The following HOXB9 variants were observed in gnomAD, a reference collection of about 807,000 sequenced individuals.
The protein encoded by HOXB9 is homeobox protein Hox-B9.
A neutral mutation model predicts 21.5 loss-of-function variants in HOXB9; 10 were observed. The ratio of observed to expected loss-of-function variants is 0.47; its 90% CI spans 0.29 to 0.79. The LOEUF is 0.79. Among genes scored for constraint, HOXB9 ranks in the 30% least tolerant of loss-of-function variants. HOXB9 has a pLI of 0.10. For missense variants in HOXB9, 375 were observed against 338.7 expected, an observed-to-expected ratio of 1.11 and a Z score of -0.84; for synonymous variants, 156 against 151.2, an observed-to-expected ratio of 1.03 and a Z score of -0.23.
intron 1 of HOXB9, among the ~76,000 whole-genome samples, chr17:48,625,311 C>A (rs1395423474): frequency 6.6e-6 from 1 of 152,228 alleles, no homozygotes; most frequent in Non-Finnish European, 1.5e-5. Context: ...GCGCGGGGAG[C>A]TCTGCCAGCC....
Position 48,626,188 on chromosome 17 carries a change from A to G in HOXB9, c.82T>C (p.Phe28Leu). 6.3e-7 allele frequency: 1 copy of G among 1,599,536 alleles called. No homozygotes were observed. The highest frequency in any genetic ancestry group is 8.5e-7 in the Non-Finnish European group (1 of 1,179,662). ...GAGCTCGCGTACTGGCCAGAAGGAA[A>G]CTTGGCTGGAGGCGCGTCCTCACTC... ...HESEDAPPAK[F>L]PSGQYASSRQ... The change falls in exon 1 of 2, where the codon TTT (phenylalanine) becomes CTT (leucine). Residue 28 changes from phenylalanine (F) to leucine (L), a missense_variant. Physicochemically the swap from Phe to Leu is conservative, Grantham distance 22 (BLOSUM62 0). Transcript: ENST00000311177.
At position 48,625,966 on chromosome 17, in the gene HOXB9, C is replaced by T; in HGVS notation, c.304G>A (p.Ala102Thr). The T allele has an allele frequency of 6.7e-7, 1 of 1,489,284 alleles. No individual in the cohort carries two copies. The highest frequency in any genetic ancestry group is 8.8e-7 in the Non-Finnish European group (1 of 1,130,690). 92.3% of individuals were successfully genotyped at this position (1,489,284 alleles called of 1,614,324 possible). A position where few individuals can be genotyped will look rare whatever the true frequency, so the allele number is the denominator to read the frequency against. ...CCCGGGGCCGCTTCGCCGCGCGGCG[C>T]CGGCTCCAGCCAGGTGCGGAGGTAC... is the stretch of plus-strand genomic sequence containing the variant. ...SRYLRTWLEP[A>T]PRGEAAPGQG... The change falls in exon 1 of 2, where the codon GCG (alanine) becomes ACG (threonine). Residue 102 changes from alanine (A) to threonine (T), a missense_variant. Coordinates refer to ENST00000311177, the MANE Select transcript of HOXB9 (RefSeq NM_024017.5).
chr17:48,622,522 C>A lies in HOXB9; in HGVS notation c.*378G>T. 1 of 210,700 alleles carries A rather than the reference C, an allele frequency of 4.7e-6. No homozygotes were observed. The highest frequency in any genetic ancestry group is 9.5e-6 in the Non-Finnish European group (1 of 104,718). 13.1% of individuals were successfully genotyped at this position (210,700 alleles called of 1,614,324 possible). ...CTGAGCTGTGTAGAGTTGGAGTGTC[C>A]CTGGGTGACTTTTGGGTGGGTGTAG... On this transcript the variant is annotated 3_prime_UTR_variant, in exon 2 of 2. Coordinates refer to ENST00000311177, the MANE Select transcript of HOXB9 (RefSeq NM_024017.5).
intron 1 of HOXB9, among the ~76,000 whole-genome samples, chr17:48,624,432 G>A (rs1409784033): frequency 6.6e-6 from 1 of 152,110 alleles, no homozygotes; most frequent in Non-Finnish European, 1.5e-5. Flanking sequence ...TAGGGTGGGG[G>A]ATCTGTTTGG....
chr17:48,622,998 C>A lies in HOXB9; in HGVS notation c.655G>T (p.Ala219Ser). The A allele has an allele frequency of 6.2e-7, 1 of 1,614,234 alleles. No homozygotes were observed. The highest frequency in any genetic ancestry group is 8.5e-7 in the Non-Finnish European group (1 of 1,180,028). The part of the protein sequence containing the change: ...YLTRDRRHEV[A>S]RLLNLSERQV... Reference sequence around the variant, plus strand: ...CTCTCACTCAGATTGAGGAGTCTGGCCACTTCGTGCCTACGGTCCCTGGTG... The same window carrying A: ...CTCTCACTCAGATTGAGGAGTCTGGACACTTCGTGCCTACGGTCCCTGGTG... The change falls in exon 2 of 2, where the codon GCC becomes TCC. Residue 219 changes from alanine to serine, a missense_variant. Ala to Ser is a moderately conservative substitution (Grantham distance 99, BLOSUM62 1). Coordinates refer to ENST00000311177, the MANE Select transcript of HOXB9 (RefSeq NM_024017.5).
At chr17:48,623,192 C>T (rs755204742) in intron 1 of HOXB9, 57 bp from the exon 2 acceptor site, 1 of 1,368,914 alleles carries the variant, frequency 7.3e-7, no homozygotes. Context: ...GGCCCCAGAT[C>T]AAGAGGGCAC....
Position 48,626,155 on chromosome 17 carries a change from G to T in HOXB9, c.115C>A (p.Pro39Thr). 1 of 1,596,172 alleles carries T rather than the reference G, an allele frequency of 6.3e-7. No individual in the cohort carries two copies. Residue 39 changes from proline to threonine, a missense_variant, in exon 1 of 2, where the codon CCG becomes ACG. By Grantham distance (38) the Pro-to-Thr change is conservative. Coordinates refer to ENST00000311177, the MANE Select transcript of HOXB9 (RefSeq NM_024017.5). ...AACTCCAGGTGCTCCGCGTGGCCCG[G>T]CTGCCGCGAGCTCGCGTACTGGCCA... is the stretch of plus-strand genomic sequence containing the variant. ...PSGQYASSRQ[P>T]GHAEHLEFPS...
At position 48,622,759 on chromosome 17, in the gene HOXB9, G is replaced by A; in HGVS notation, c.*141C>T. 1 of 629,936 alleles carries A rather than the reference G, an allele frequency of 1.6e-6. No individual in the cohort carries two copies. The highest frequency in any genetic ancestry group is 2.8e-5 in the Admixed American group (1 of 35,636). 39.0% of individuals were successfully genotyped at this position (629,936 alleles called of 1,614,324 possible). A position where few individuals can be genotyped will look rare whatever the true frequency, so the allele number is the denominator to read the frequency against. ...GGCAAAGGAAAGGAGGGAGGTTCTA[G>A]GTGCAGATAAAGGACTTGGAAGAGA... On this transcript the variant is annotated 3_prime_UTR_variant, in exon 2 of 2. Transcript: ENST00000311177.
In HOXB9 at chr17:48,625,723, C is replaced by T. The variant is rs762490822; in HGVS notation, c.517+30G>A. Reference sequence around the variant, plus strand: ...CCCCGCCCCCCTCCTGGCCTTCGGCCTGGGTATTTCCTCACTTTTTATAAC... The same window carrying T: ...CCCCGCCCCCCTCCTGGCCTTCGGCTTGGGTATTTCCTCACTTTTTATAAC... On this transcript the variant is annotated intron_variant, in intron 1 of 1. Coordinates refer to ENST00000311177, the MANE Select transcript of HOXB9 (RefSeq NM_024017.5). The T allele has an allele frequency of 2.7e-6, 4 of 1,466,052 alleles. No homozygotes were observed. In the Admixed American group the frequency reaches 7.1e-5, roughly 26 times the overall value. The allele number at this position is 1,466,052 out of a possible 1,614,324, so 90.8% of individuals were successfully genotyped here.
chr17:48,623,220 C>T, intron 1 of HOXB9, 85 bp from the exon 2 acceptor site: 1 of 1,093,498 alleles, frequency 9.1e-7, no homozygotes, highest in Non-Finnish European at 1.3e-6. Flanking sequence ...GTCTCCACTC[C>T]CCATCTTGCA....
intron 1 of HOXB9, 38 bp from the exon 2 acceptor site, chr17:48,623,173 G>A (rs376773839): frequency 6.5e-7 from 1 of 1,536,024 alleles, no homozygotes; most frequent in Admixed American, 1.7e-5. Context: ...AGAAAGGAAG[G>A]GGGTGAAGGG....
At chr17:48,625,095 C>T (rs2070800828) in intron 1 of HOXB9, among the ~76,000 whole-genome samples, 2 of 152,314 alleles carry the variant, frequency 1.3e-5, no homozygotes, top group South Asian at 2.1e-4. Flanking sequence ...GGAAGGCTCC[C>T]GGGGAGGGGC....
chr17:48,622,133 G>C lies in HOXB9; in HGVS notation c.*767C>G, dbSNP rs916688083. ...AAATGTATATGTTGGTGGGAGGTGG[G>C]GAGTAGCTCCACCTAAGATAGCTTC... On this transcript the variant is annotated 3_prime_UTR_variant, in exon 2 of 2. Coordinates refer to ENST00000311177, the MANE Select transcript of HOXB9 (RefSeq NM_024017.5). 3 of 152,344 alleles carry C rather than the reference G, an allele frequency of 2.0e-5. No individual in the cohort carries two copies. The highest frequency in any genetic ancestry group is 2.9e-5 in the Non-Finnish European group (2 of 68,036). The allele number at this position is 152,344 out of a possible 1,614,324, so 9.4% of individuals were successfully genotyped here.
In HOXB9 at chr17:48,623,148, C is replaced by T. The variant is rs1472144990; in HGVS notation, c.518-13G>A. On this transcript the variant is annotated splice_polypyrimidine_tract_variant and intron_variant, in intron 1 of 1. Transcript: ENST00000311177. ...GCGGAGGGGTTGGCTGAAAGAGAAG[C>T]AGCGATAGAATCAAAGAAAGGAAGG... 6.2e-7 allele frequency: 1 copy of T among 1,605,686 alleles called. No individual in the cohort carries two copies. Among genetic ancestry groups the T allele is most frequent in the East Asian group, 2.2e-5 (1 of 44,846 alleles).
chr17:48,625,232 G>T (rs1356707347), intron 1 of HOXB9, among the ~76,000 whole-genome samples: 1 of 152,262 alleles, frequency 6.6e-6, no homozygotes, highest in Non-Finnish European at 1.5e-5. Context: ...CCAAGCTGTT[G>T]CATCGCAAAT....
At position 48,626,284 on chromosome 17, in the gene HOXB9, C is replaced by A; in HGVS notation, c.-15G>T. The A allele has an allele frequency of 1.3e-6, 2 of 1,568,948 alleles. No homozygotes were observed. The highest frequency in any genetic ancestry group is 1.1e-5 in the South Asian group (1 of 88,606). ...GAAATGGACATTCTCAGACATTATC[C>A]GGGCGCTTGCAGGGGGAAGGGAAGC... On this transcript the variant is annotated 5_prime_UTR_variant, in exon 1 of 2. Coordinates refer to ENST00000311177, the MANE Select transcript of HOXB9 (RefSeq NM_024017.5).
chr17:48,623,147 G>A lies in HOXB9; in HGVS notation c.518-12C>T, dbSNP rs1415054085. On this transcript the variant is annotated splice_polypyrimidine_tract_variant and intron_variant, in intron 1 of 1. Coordinates refer to ENST00000311177, the MANE Select transcript of HOXB9 (RefSeq NM_024017.5). ...GGCGGAGGGGTTGGCTGAAAGAGAA[G>A]CAGCGATAGAATCAAAGAAAGGAAG... The A allele has an allele frequency of 6.2e-7, 1 of 1,606,326 alleles. No individual in the cohort carries two copies. Among genetic ancestry groups the A allele is most frequent in the Non-Finnish European group, 8.5e-7 (1 of 1,174,850 alleles).
At chr17:48,623,608 C>A (rs143423242) in intron 1 of HOXB9, among the ~76,000 whole-genome samples, 122 of 152,238 alleles carry the variant, frequency 8.0e-4, no homozygotes, top group African/African-American at 2.8e-3. Flanking sequence ...CCCCAAGAGA[C>A]CTCTCAGCCC....
chr17:48,625,648 C>A, intron 1 of HOXB9, 105 bp downstream of exon 1: 1 of 1,349,412 alleles, frequency 7.4e-7, no homozygotes. Flanking sequence ...GCTCTCCGGC[C>A]ACCGCCGCAG....
Sources: gnomAD v4.1 joint callset for allele counts (sites outside exome capture counted in the v4.1 genomes callset) on GRCh38, gnomAD v4.1.1 for gene constraint, MANE v1.5 for transcripts, NCBI Gene and HGNC (gene_info 2026-07-23, HGNC 2026-07-21) for gene names.